The following ATRNL1 variants were observed in gnomAD, a reference collection of about 807,000 sequenced individuals.
ATRNL1 encodes attractin like 1.
Under a neutral mutation model 182.7 loss-of-function variants are expected in ATRNL1, and 95 were observed. That is an observed-to-expected ratio of 0.52 (90% CI 0.44 to 0.62). The LOEUF (loss-of-function observed/expected upper bound fraction) is 0.62, where lower values mean the gene tolerates loss of function less well. Among genes scored for constraint, ATRNL1 ranks in the 20% least tolerant of loss-of-function variants. The probability of loss-of-function intolerance (pLI) is 0.00; values close to 1 mark genes in which losing one functional copy is unlikely to be tolerated. For synonymous variants in ATRNL1, 576 were observed against 568.3 expected, an observed-to-expected ratio of 1.01 and a Z score of -0.19; for missense variants, 1,471 against 1,679.5, an observed-to-expected ratio of 0.88 and a Z score of 2.17.
At chr10:115,548,859 C>G (rs1554994642) in intron 25 of ATRNL1, among the ~76,000 whole-genome samples, 1 of 152,050 alleles carries the variant, frequency 6.6e-6, no homozygotes, top group African/African-American at 2.4e-5. Flanking sequence ...TCTTGCAACA[C>G]CCCTGCACTC....
At position 115,541,833 on chromosome 10, in the gene ATRNL1, G is replaced by A. The variant is rs573085800; in HGVS notation, c.3717-7625G>A. Reference sequence around the variant, plus strand: ...GTGATAGTTCCTTTTGAGAAGGAGAGAATGAATTAAGTTCTGTTTCTTCAA... The same window carrying A: ...GTGATAGTTCCTTTTGAGAAGGAGAAAATGAATTAAGTTCTGTTTCTTCAA... On this transcript the variant is annotated intron_variant, in intron 25 of 28. Transcript: ENST00000355044. Among the ~76,000 whole-genome samples the A allele has an allele frequency of 7.8e-4, 119 of 152,262 alleles. 1 individual carries two copies. The South Asian group carries it at 0.024, about 30-fold the overall frequency.
chr10:115,717,274 A>G (rs529314086), intron 26 of ATRNL1, among the ~76,000 whole-genome samples: 39 of 152,266 alleles, frequency 2.6e-4, no homozygotes, highest in African/African-American at 7.2e-4. Flanking sequence ...GGCTAATTCT[A>G]ACACCATAGG....
At chr10:115,248,883 A>G (rs1224121596) in intron 10 of ATRNL1, among the ~76,000 whole-genome samples, 1 of 152,206 alleles carries the variant, frequency 6.6e-6, no homozygotes, top group African/African-American at 2.4e-5. Flanking sequence ...TGGCTAATAT[A>G]GGTTTTTCTT....
intron 19 of ATRNL1, among the ~76,000 whole-genome samples, chr10:115,371,137 G>T (rs1408454650): frequency 6.6e-6 from 1 of 152,196 alleles, no homozygotes; most frequent in Non-Finnish European, 1.5e-5. Flanking sequence ...GATTTCAGAG[G>T]ATGTATAGAA....
chr10:115,597,806 A>T (rs1555014647), intron 26 of ATRNL1: 2 of 337,390 alleles, frequency 5.9e-6, no homozygotes, highest in Non-Finnish European at 1.2e-5. Flanking sequence ...AAGTGCTGGG[A>T]TTACAGGCGT....
chr10:115,533,518 T>G (rs1451654702), intron 25 of ATRNL1, among the ~76,000 whole-genome samples: 9 of 151,830 alleles, frequency 5.9e-5, no homozygotes, highest in East Asian at 3.9e-4. Context: ...TCTTGCTAGC[T>G]GTCTATCAAT....
At chr10:115,896,091 A>C (rs1555112469) in intron 28 of ATRNL1, among the ~76,000 whole-genome samples, 7 of 152,172 alleles carry the variant, frequency 4.6e-5, no homozygotes. Context: ...TCATCATCAA[A>C]CCATGTTTGT....
intron 26 of ATRNL1, among the ~76,000 whole-genome samples, chr10:115,674,980 G>A (rs1945815552): frequency 6.6e-6 from 1 of 152,116 alleles, no homozygotes; most frequent in African/African-American, 2.4e-5. Context: ...CTTAGTGATA[G>A]TGTGTTCATT....
At chr10:115,250,629 T>C (rs1011415355) in intron 10 of ATRNL1, among the ~76,000 whole-genome samples, 1 of 152,190 alleles carries the variant, frequency 6.6e-6, no homozygotes, top group Non-Finnish European at 1.5e-5. Context: ...CAAAGAGGCC[T>C]ACCAGATGGT....
At chr10:115,234,836 G>A (rs1295268597) in intron 9 of ATRNL1, among the ~76,000 whole-genome samples, 1 of 151,982 alleles carries the variant, frequency 6.6e-6, no homozygotes, top group East Asian at 1.9e-4. Flanking sequence ...CCATCCGCCC[G>A]CCTTGGCCTC....
chr10:115,249,360 T>C (rs1850777405), intron 10 of ATRNL1, among the ~76,000 whole-genome samples: 1 of 152,158 alleles, frequency 6.6e-6, no homozygotes, highest in African/African-American at 2.4e-5. Flanking sequence ...CACGTTTATA[T>C]ATATGTATAT....
At chr10:115,408,502 A>G (rs1554958972) in intron 20 of ATRNL1, among the ~76,000 whole-genome samples, 1 of 152,142 alleles carries the variant, frequency 6.6e-6, no homozygotes, top group East Asian at 1.9e-4. Flanking sequence ...AATAGTTTGC[A>G]ACCCATTCTG....
At chr10:115,794,039 C>T (rs566486601) in intron 27 of ATRNL1, among the ~76,000 whole-genome samples, 53 of 152,242 alleles carry the variant, frequency 3.5e-4, no homozygotes, top group Admixed American at 1.9e-3. Flanking sequence ...GTTATTGGCT[C>T]TCAGCCAGTG....
chr10:115,490,455 C>T (rs1554976310), intron 24 of ATRNL1, among the ~76,000 whole-genome samples: 1 of 152,000 alleles, frequency 6.6e-6, no homozygotes, highest in Admixed American at 6.6e-5. Context: ...TGTCTTCTGG[C>T]TTTATTTCTT....
At chr10:115,779,920 A>T (rs756002919) in intron 27 of ATRNL1, among the ~76,000 whole-genome samples, 1 of 152,208 alleles carries the variant, frequency 6.6e-6, no homozygotes, top group Non-Finnish European at 1.5e-5. Context: ...CAAGATGGCC[A>T]TTGATCATCC....
At chr10:115,726,858 T>G (rs1015219825) in intron 26 of ATRNL1, among the ~76,000 whole-genome samples, 9 of 68,840 alleles carry the variant, frequency 1.3e-4, no homozygotes. Context: ...TTTTACTGTT[T>G]TTTTTTTTTC....
At chr10:115,401,337 C>T (rs1844555711) in intron 20 of ATRNL1, among the ~76,000 whole-genome samples, 1 of 152,024 alleles carries the variant, frequency 6.6e-6, no homozygotes, top group South Asian at 2.1e-4. Context: ...TAGCAGCCAG[C>T]AGATGTCTCA....
At chr10:115,653,199 A>T (rs1185539607) in intron 26 of ATRNL1, among the ~76,000 whole-genome samples, 1 of 152,192 alleles carries the variant, frequency 6.6e-6, no homozygotes, top group Non-Finnish European at 1.5e-5. Context: ...CAAAAGTGTT[A>T]TATTGGCTGT....
At chr10:115,409,556 T>TA (rs1290590124) in intron 20 of ATRNL1, among the ~76,000 whole-genome samples, 21 of 152,292 alleles carry the variant, frequency 1.4e-4, no homozygotes, top group Admixed American at 1.2e-3. Flanking sequence ...GGATGCCTTT[T>TA]ATGTCTTTTT....
Sources: gnomAD v4.1 joint callset for allele counts (sites outside exome capture counted in the v4.1 genomes callset) on GRCh38, gnomAD v4.1.1 for gene constraint, MANE v1.5 for transcripts, NCBI Gene and HGNC (gene_info 2026-07-23, HGNC 2026-07-21) for gene names.